Variants in RPS6KB1 observed in about 807,000 individuals in gnomAD.
RPS6KB1 encodes the protein ribosomal protein S6 kinase B1.
Under a neutral mutation model 70.2 loss-of-function variants are expected in RPS6KB1, and 12 were observed. The observed-to-expected ratio is 0.17, with a 90% CI of 0.11 to 0.28. RPS6KB1 has a LOEUF of 0.28. RPS6KB1 is among the 10% of genes least tolerant of loss of function. The pLI is 1.00. For missense variants in RPS6KB1, 270 were observed against 646.6 expected, an observed-to-expected ratio of 0.42 and a Z score of 6.32; for synonymous variants, 175 against 211.2, an observed-to-expected ratio of 0.83 and a Z score of 1.49.
chr17:59,907,616 G>A (rs2042349439), intron 1 of RPS6KB1, among the ~76,000 whole-genome samples: 2 of 149,272 alleles, frequency 1.3e-5, no homozygotes, highest in African/African-American at 5.0e-5. Context: ...CTGCCACATT[G>A]TAGCCATGAC....
rs71145587 is a variant in RPS6KB1, at chr17:59,895,318, C to CTTT, written c.141+2012_141+2014dup. Among the ~76,000 whole-genome samples, 45 of 106,270 alleles carry CTTT rather than the reference C, an allele frequency of 4.2e-4. 1 individual carries two copies. Among genetic ancestry groups the CTTT allele is most frequent in the East Asian group, 1.0e-3 (3 of 2,970 alleles). The allele number at this position is 106,270 out of a possible 152,430, so 69.7% of individuals were successfully genotyped here. ...TACAGGTGTGAGCCACTGCGCCTGG[C>CTTT]TTTTTTTTTTTTTTTTTTTTTGAGA... On this transcript the variant is annotated intron_variant, in intron 1 of 14. Transcript: ENST00000225577.
chr17:59,925,288 T>C (rs944280692), intron 4 of RPS6KB1, among the ~76,000 whole-genome samples: 1 of 152,204 alleles, frequency 6.6e-6, no homozygotes, highest in Non-Finnish European at 1.5e-5. Context: ...ATATTACTTA[T>C]GGAGATGTAC....
At chr17:59,914,876 C>T (rs1352479290) in intron 4 of RPS6KB1, among the ~76,000 whole-genome samples, 173 bp downstream of exon 4, 1 of 152,136 alleles carries the variant, frequency 6.6e-6, no homozygotes, top group African/African-American at 2.4e-5. Context: ...CACCTGTGGT[C>T]CCAGCTACTT....
At chr17:59,912,885 C>T in intron 3 of RPS6KB1, 81 bp downstream of exon 3, 1 of 1,430,724 alleles carries the variant, frequency 7.0e-7, no homozygotes, top group Non-Finnish European at 9.7e-7. Flanking sequence ...CAGTCATCTT[C>T]AGTCTTTGTC....
At chr17:59,931,243 A>G (rs1833621222) in intron 6 of RPS6KB1, 4 of 205,212 alleles carry the variant, frequency 1.9e-5, no homozygotes, top group East Asian at 3.2e-4. Flanking sequence ...CAAAGTTCCT[A>G]TTTCCTATGG....
At position 59,947,826 on chromosome 17, in the gene RPS6KB1, G is replaced by C; in HGVS notation, c.*1038G>C. On this transcript the variant is annotated 3_prime_UTR_variant, in exon 15 of 15. Coordinates refer to ENST00000225577, the MANE Select transcript of RPS6KB1 (RefSeq NM_003161.4). Reference sequence around the variant, plus strand: ...AGGTGAGGGAGATAGGGATATCCAGGGGAAGAGGGTGTTGCTGTGGCCCAC... The same window carrying C: ...AGGTGAGGGAGATAGGGATATCCAGCGGAAGAGGGTGTTGCTGTGGCCCAC... 2.1e-6 allele frequency: 1 copy of C among 466,138 alleles called. No individual in the cohort carries two copies. The highest frequency in any genetic ancestry group is 3.9e-6 in the Non-Finnish European group (1 of 256,520). 28.9% of individuals were successfully genotyped at this position (466,138 alleles called of 1,614,324 possible).
intron 4 of RPS6KB1, among the ~76,000 whole-genome samples, chr17:59,920,874 C>T (rs540876782): frequency 3.3e-5 from 5 of 151,896 alleles, no homozygotes; most frequent in Admixed American, 3.3e-4. Context: ...AATTTTTGTA[C>T]TTTTGGTAGA....
At chr17:59,930,282 C>G in intron 6 of RPS6KB1, 108 bp downstream of exon 6, 1 of 767,658 alleles carries the variant, frequency 1.3e-6, no homozygotes. Flanking sequence ...GCCAGTCACT[C>G]ACTCAGGACC....
At chr17:59,910,754 G>A in intron 2 of RPS6KB1, 143 bp downstream of exon 2, 1 of 597,838 alleles carries the variant, frequency 1.7e-6, no homozygotes, top group Non-Finnish European at 2.9e-6. Context: ...ATTGAATTTG[G>A]CACCAAAATC....
chr17:59,899,353 A>G (rs573320167), intron 1 of RPS6KB1, among the ~76,000 whole-genome samples: 83 of 152,302 alleles, frequency 5.4e-4, no homozygotes, highest in African/African-American at 1.9e-3. Flanking sequence ...CTTCTGTCCT[A>G]GACAGTAACG....
chr17:59,915,082 G>A (rs1422054515), intron 4 of RPS6KB1, among the ~76,000 whole-genome samples: 3 of 151,042 alleles, frequency 2.0e-5, no homozygotes, highest in East Asian at 3.9e-4. Context: ...TCCACCTCCC[G>A]GGTTCAGGTA....
chr17:59,942,671 A>G (rs981009270), intron 13 of RPS6KB1, among the ~76,000 whole-genome samples: 1 of 152,156 alleles, frequency 6.6e-6, no homozygotes, highest in African/African-American at 2.4e-5. Context: ...ATTGCTCACT[A>G]TGTAATACAA....
intron 4 of RPS6KB1, among the ~76,000 whole-genome samples, chr17:59,916,744 G>C (rs748349564): frequency 4.6e-5 from 7 of 152,056 alleles, no homozygotes; most frequent in Non-Finnish European, 1.0e-4. Context: ...TTTGTTTCCT[G>C]GATCCCATAT....
intron 4 of RPS6KB1, among the ~76,000 whole-genome samples, chr17:59,916,955 A>C (rs539045639): frequency 6.6e-6 from 1 of 152,138 alleles, no homozygotes; most frequent in Non-Finnish European, 1.5e-5. Flanking sequence ...AATTTTGCTC[A>C]GTTTTCTTCT....
chr17:59,896,001 C>T (rs539590733), intron 1 of RPS6KB1, among the ~76,000 whole-genome samples: 2 of 152,256 alleles, frequency 1.3e-5, no homozygotes, highest in African/African-American at 2.4e-5. Context: ...CATAATGGTA[C>T]ACTAGTTACA....
chr17:59,903,298 C>A (rs1475947137), intron 1 of RPS6KB1, among the ~76,000 whole-genome samples: 1 of 149,348 alleles, frequency 6.7e-6, no homozygotes, highest in African/African-American at 2.5e-5. Flanking sequence ...GAGTGAGACT[C>A]TGTCTCAAAA....
At position 59,947,433 on chromosome 17, in the gene RPS6KB1, A is replaced by C. The variant is rs531765331; in HGVS notation, c.*645A>C. ...AACTTCTGTTTCTTCTCTTGGTGAA[A>C]TAATAAAATGCAAATGAATCATTGT... On this transcript the variant is annotated 3_prime_UTR_variant, in exon 15 of 15. Coordinates refer to ENST00000225577, the MANE Select transcript of RPS6KB1 (RefSeq NM_003161.4). 2 of 1,286,472 alleles carry C rather than the reference A, an allele frequency of 1.6e-6. No homozygotes were observed. Among genetic ancestry groups the C allele is most frequent in the Middle Eastern group, 2.2e-4 (1 of 4,534 alleles). The allele number at this position is 1,286,472 out of a possible 1,614,324, so 79.7% of individuals were successfully genotyped here. A position where few individuals can be genotyped will look rare whatever the true frequency, so the allele number is the denominator to read the frequency against.
At chr17:59,943,813 T>C (rs2044753839) in intron 13 of RPS6KB1, among the ~76,000 whole-genome samples, 1 of 147,350 alleles carries the variant, frequency 6.8e-6, no homozygotes, top group East Asian at 2.0e-4. Flanking sequence ...GAGGTTGTAA[T>C]GAGCTGAGAT....
rs1598850202 is a variant in RPS6KB1 at position 59,947,196 on chromosome 17, C to T, written c.*408C>T. On this transcript the variant is annotated 3_prime_UTR_variant, in exon 15 of 15. Coordinates refer to ENST00000225577, the MANE Select transcript of RPS6KB1 (RefSeq NM_003161.4). ...TGCCTATAATACTTGCAACTAAGGACAAATTAGCATGCAAGCTTGGTCAAA... is the reference window on the plus strand; with the variant it reads ...TGCCTATAATACTTGCAACTAAGGATAAATTAGCATGCAAGCTTGGTCAAA... 1 of 1,033,986 alleles carries T rather than the reference C, an allele frequency of 9.7e-7. No homozygotes were observed. The highest frequency in any genetic ancestry group is 8.3e-5 in the East Asian group (1 of 12,092). The allele number at this position is 1,033,986 out of a possible 1,614,324, so 64.1% of individuals were successfully genotyped here. A position where few individuals can be genotyped will look rare whatever the true frequency, so the allele number is the denominator to read the frequency against.
Sources: allele counts gnomAD v4.1 joint callset (sites outside exome capture counted in the v4.1 genomes callset), GRCh38; gene constraint gnomAD v4.1.1; transcripts MANE v1.5; gene names NCBI Gene and HGNC (gene_info 2026-07-23, HGNC 2026-07-21).